AGTPBP1: variants seen among roughly 807,000 people sequenced by gnomAD.
AGTPBP1 encodes the protein ATP/GTP binding carboxypeptidase 1.
AGTPBP1 carries 70 observed loss-of-function variants against 143.9 expected under a neutral mutation model. The observed-to-expected ratio is 0.49, with a 90% confidence interval of 0.40 to 0.59. AGTPBP1 has a LOEUF of 0.59. AGTPBP1 is among the 20% of genes least tolerant of loss of function. AGTPBP1 has a pLI of 0.00. For synonymous variants in AGTPBP1, 463 were observed against 500.2 expected, an observed-to-expected ratio of 0.93 and a Z score of 0.99; for missense variants, 1,229 against 1,464.5, an observed-to-expected ratio of 0.84 and a Z score of 2.62.
chr9:85,609,481 C>A (rs1266560891), intron 17 of AGTPBP1, among the ~76,000 whole-genome samples: 1 of 152,070 alleles, frequency 6.6e-6, no homozygotes, highest in East Asian at 1.9e-4. Flanking sequence ...CGGGGTTTCA[C>A]CATGTTGACC....
At chr9:85,695,644 T>C (rs1394856442) in intron 2 of AGTPBP1, among the ~76,000 whole-genome samples, 1 of 152,184 alleles carries the variant, frequency 6.6e-6, no homozygotes, top group East Asian at 1.9e-4. Flanking sequence ...CATCTTAATA[T>C]TCTGTGTGCA....
upstream of AGTPBP1, among the ~76,000 whole-genome samples, chr9:85,746,480 T>C (rs1270279616): frequency 6.6e-6 from 1 of 151,940 alleles, no homozygotes; most frequent in Non-Finnish European, 1.5e-5. Flanking sequence ...AAAATTAAAA[T>C]TACCTGAGCG....
the AGTPBP1 span, among the ~76,000 whole-genome samples, chr9:85,751,601 T>A: frequency 3.9e-5 from 6 of 152,084 alleles, no homozygotes; most frequent in African/African-American, 1.4e-4. Context: ...GAAGGCACCA[T>A]GAACATTGCA....
chr9:85,683,907 A>G (rs546658313), intron 3 of AGTPBP1, among the ~76,000 whole-genome samples: 1 of 152,108 alleles, frequency 6.6e-6, no homozygotes, highest in East Asian at 1.9e-4. Context: ...AGTCCCCTCC[A>G]TACTTAACTT....
At chr9:85,759,125 T>C in the AGTPBP1 span, among the ~76,000 whole-genome samples, 1 of 152,060 alleles carries the variant, frequency 6.6e-6, no homozygotes, top group African/African-American at 2.4e-5. Flanking sequence ...ATAAAGCAAG[T>C]CCTTAGAGAC....
chr9:85,707,977 G>A (rs929970636), intron 2 of AGTPBP1, among the ~76,000 whole-genome samples: 2 of 152,034 alleles, frequency 1.3e-5, no homozygotes, highest in Admixed American at 1.3e-4. Flanking sequence ...ACGGGTTGAT[G>A]GGTGTAACAA....
At chr9:85,643,614 A>G (rs1432583653) in intron 12 of AGTPBP1, among the ~76,000 whole-genome samples, 3 of 152,160 alleles carry the variant, frequency 2.0e-5, no homozygotes, top group Non-Finnish European at 2.9e-5. Flanking sequence ...TCAGTGGGGG[A>G]AAAAAGTCAG....
intron 23 of AGTPBP1, among the ~76,000 whole-genome samples, chr9:85,581,727 T>C (rs1828274846): frequency 6.6e-6 from 1 of 152,176 alleles, no homozygotes; most frequent in African/African-American, 2.4e-5. Flanking sequence ...AAATTACATA[T>C]TTCCATAGCA....
the AGTPBP1 span, chr9:85,786,583 A>T: frequency 1.2e-5 from 20 of 1,611,872 alleles, no homozygotes; most frequent in Non-Finnish European, 1.6e-5. Flanking sequence ...AAACTTAGAC[A>T]TTGAATAATA....
At chr9:85,798,488 TC>T in the AGTPBP1 span, among the ~76,000 whole-genome samples, 707 of 151,514 alleles carry the variant, frequency 4.7e-3, 5 homozygotes, top group South Asian at 0.011. Context: ...GGCTTCAGCC[TC>T]CCAAGTAGCT....
the AGTPBP1 span, among the ~76,000 whole-genome samples, chr9:85,804,703 T>C: frequency 3.9e-5 from 6 of 152,176 alleles, no homozygotes; most frequent in African/African-American, 1.4e-4. Flanking sequence ...GTCACTTAAC[T>C]TCGCCTGTAA....
intron 13 of AGTPBP1, among the ~76,000 whole-genome samples, chr9:85,639,306 G>C (rs1420101785): frequency 6.6e-6 from 1 of 151,596 alleles, no homozygotes; most frequent in African/African-American, 2.4e-5. Flanking sequence ...AGTAATTATA[G>C]GAGGAAAATT....
chr9:85,607,842 C>G (rs1308859498), intron 17 of AGTPBP1, among the ~76,000 whole-genome samples: 1 of 152,066 alleles, frequency 6.6e-6, no homozygotes, highest in Non-Finnish European at 1.5e-5. Context: ...AAGTGGAGCT[C>G]TAATAAACCT....
At chr9:85,773,364 G>C in the AGTPBP1 span, among the ~76,000 whole-genome samples, 1 of 37,672 alleles carries the variant, frequency 2.7e-5, no homozygotes, top group Non-Finnish European at 5.0e-5. Flanking sequence ...GCGGAGTTTT[G>C]CTCTTGCACC....
chr9:85,570,862 T>A (rs1403540269), intron 25 of AGTPBP1, among the ~76,000 whole-genome samples: 1 of 152,150 alleles, frequency 6.6e-6, no homozygotes, highest in Non-Finnish European at 1.5e-5. Flanking sequence ...GAGGAAGGCA[T>A]CCGAGAGAGA....
chr9:85,548,675 GT>G (rs746375299), intron 25 of AGTPBP1, among the ~76,000 whole-genome samples: 18 of 137,170 alleles, frequency 1.3e-4, no homozygotes, highest in African/African-American at 5.0e-4. Context: ...GTTTTTTTTT[GT>G]TTTTGTTTTT....
chr9:85,621,541 A>C (rs1444959115), intron 14 of AGTPBP1, among the ~76,000 whole-genome samples: 1 of 152,136 alleles, frequency 6.6e-6, no homozygotes, highest in East Asian at 1.9e-4. Context: ...AAAAAAAAAA[A>C]AAAACTTGAA....
At chr9:85,781,981 A>G in the AGTPBP1 span, among the ~76,000 whole-genome samples, 1 of 152,204 alleles carries the variant, frequency 6.6e-6, no homozygotes, top group Non-Finnish European at 1.5e-5. Context: ...GAGAGGAATC[A>G]ATATTTCTAA....
At chr9:85,553,278 A>G (rs1826137343) in intron 25 of AGTPBP1, among the ~76,000 whole-genome samples, 5 of 152,266 alleles carry the variant, frequency 3.3e-5, no homozygotes, top group African/African-American at 1.2e-4. Flanking sequence ...GAAAAGTACA[A>G]TACAGTCCCT....
Sources: gnomAD v4.1 joint callset for allele counts (sites outside exome capture counted in the v4.1 genomes callset) on GRCh38, gnomAD v4.1.1 for gene constraint, MANE v1.5 for transcripts, NCBI Gene and HGNC (gene_info 2026-07-23, HGNC 2026-07-21) for gene names.